The following CDH12 variants were observed in gnomAD, a reference collection of about 807,000 sequenced individuals.
CDH12 encodes the protein cadherin-12.
Under a neutral mutation model 74.1 loss-of-function variants are expected in CDH12, and 41 were observed. The ratio of observed to expected loss-of-function variants is 0.55; its 90% CI spans 0.43 to 0.72. CDH12 has a LOEUF of 0.72. CDH12 is among the 30% of genes least tolerant of loss of function. CDH12 has a pLI of 0.00. For missense variants in CDH12, 945 were observed against 977.2 expected, an observed-to-expected ratio of 0.97 and a Z score of 0.44; for synonymous variants, 399 against 355.0, an observed-to-expected ratio of 1.12 and a Z score of -1.39.
intron 1 of CDH12, among the ~76,000 whole-genome samples, chr5:22,749,658 C>T (rs1580957788): frequency 6.6e-6 from 1 of 152,240 alleles, no homozygotes; most frequent in South Asian, 2.1e-4. Context: ...CAAATATCTA[C>T]TACGTATGTC....
intron 5 of CDH12, among the ~76,000 whole-genome samples, chr5:22,068,301 C>T (rs1250460746): frequency 1.3e-5 from 2 of 152,184 alleles, no homozygotes; most frequent in Non-Finnish European, 2.9e-5. Flanking sequence ...CCTATGGCCT[C>T]ATCACGTGCT....
chr5:21,949,948 A>G (rs372967544), intron 6 of CDH12, among the ~76,000 whole-genome samples: 1 of 152,342 alleles, frequency 6.6e-6, no homozygotes, highest in Non-Finnish European at 1.5e-5. Flanking sequence ...GTTTTGTACA[A>G]TGATGCCCTA....
At chr5:22,411,946 C>A (rs187456087) in intron 2 of CDH12, among the ~76,000 whole-genome samples, 1,955 of 152,032 alleles carry the variant, frequency 0.013, 24 homozygotes, top group Middle Eastern at 0.02. Context: ...GTTTTCTTCT[C>A]TAAAGGCATT....
At chr5:22,068,318 C>T (rs1481022515) in intron 5 of CDH12, among the ~76,000 whole-genome samples, 1 of 152,198 alleles carries the variant, frequency 6.6e-6, no homozygotes, top group African/African-American at 2.4e-5. Flanking sequence ...TGCTCCCTAT[C>T]AGCTGAGAGA....
At chr5:21,794,303 A>C (rs1237747665) in intron 10 of CDH12, among the ~76,000 whole-genome samples, 1 of 151,494 alleles carries the variant, frequency 6.6e-6, no homozygotes, top group Non-Finnish European at 1.5e-5. Flanking sequence ...CATTTAGTAA[A>C]ATGATTTTTC....
chr5:22,353,308 A>G (rs985165241), intron 3 of CDH12, among the ~76,000 whole-genome samples: 1 of 152,198 alleles, frequency 6.6e-6, no homozygotes, highest in African/African-American at 2.4e-5. Context: ...ATTACAGAGA[A>G]TGACTGAACC....
At chr5:22,698,011 A>C (rs192910458) in intron 1 of CDH12, among the ~76,000 whole-genome samples, 1 of 151,710 alleles carries the variant, frequency 6.6e-6, no homozygotes, top group African/African-American at 2.4e-5. Context: ...AAAGTCACCT[A>C]TCCTGAGGTG....
Position 22,056,300 on chromosome 5 carries a change from A to C in CDH12, c.231+22146T>G, listed in dbSNP as rs193287375. On this transcript the variant is annotated intron_variant, in intron 5 of 14. Coordinates refer to ENST00000382254, the MANE Select transcript of CDH12 (RefSeq NM_004061.5). ...ACCTGAATTCCCTAATATATTGTTA[A>C]CTCTGAATAAATGTTTTCCATCTGT... is the stretch of plus-strand genomic sequence containing the variant. Among the ~76,000 whole-genome samples, 42 of 152,238 alleles carry C rather than the reference A, an allele frequency of 2.8e-4. 1 individual carries two copies. The East Asian group carries it at 3.3e-3, about 12-fold the overall frequency.
intron 1 of CDH12, among the ~76,000 whole-genome samples, chr5:22,549,305 C>T (rs13357223): frequency 6.6e-6 from 1 of 151,888 alleles, no homozygotes; most frequent in South Asian, 2.1e-4. Context: ...ACTTTTGTGC[C>T]ACTCAGCCCA....
At chr5:21,809,407 A>C (rs1747622238) in intron 9 of CDH12, among the ~76,000 whole-genome samples, 1 of 152,144 alleles carries the variant, frequency 6.6e-6, no homozygotes, top group South Asian at 2.1e-4. Context: ...TATATGTGTC[A>C]TGTCCACATA....
Position 22,264,788 on chromosome 5 carries a change from GTCT to G in CDH12, c.-332-52148_-332-52146del, listed in dbSNP as rs1280456139. Among the ~76,000 whole-genome samples the G allele has an allele frequency of 2.6e-5, 4 of 152,274 alleles. No homozygotes were observed. The South Asian group carries it at 6.2e-4, about 24-fold the overall frequency. ...TGTTTCCTTGATTTCAGAAAGAAAT[GTCT>G]TCTTCTCTAACTGTAACTTTCCTGG... On this transcript the variant is annotated intron_variant, in intron 3 of 14. Transcript: ENST00000382254.
At chr5:22,294,977 G>T (rs920916859) in intron 3 of CDH12, among the ~76,000 whole-genome samples, 7 of 152,144 alleles carry the variant, frequency 4.6e-5, no homozygotes, top group African/African-American at 1.7e-4. Flanking sequence ...GTTTCTGTGA[G>T]TGGGTAAGAG....
At chr5:22,225,015 T>C (rs1752146076) in intron 3 of CDH12, among the ~76,000 whole-genome samples, 1 of 151,966 alleles carries the variant, frequency 6.6e-6, no homozygotes, top group African/African-American at 2.4e-5. Context: ...GTAAAATTGA[T>C]TTATATTTAT....
Position 22,244,794 on chromosome 5 carries a change from AAGAAAG to A in CDH12, c.-332-32157_-332-32152del, listed in dbSNP as rs1182153110. On this transcript the variant is annotated intron_variant, in intron 3 of 14. Transcript: ENST00000382254. ...AAAGAAAGAAAGAAAGAAAGAAAGA[AAGAAAG>A]AAAAATTCAAAGTAGGAGTGGGGAG... Among the ~76,000 whole-genome samples the A allele has an allele frequency of 1.6e-3, 107 of 68,918 alleles. 1 individual carries two copies. Among genetic ancestry groups the A allele is most frequent in the Non-Finnish European group, 2.2e-3 (53 of 23,586 alleles). 45.2% of individuals were successfully genotyped at this position (68,918 alleles called of 152,430 possible). A position where few individuals can be genotyped will look rare whatever the true frequency, so the allele number is the denominator to read the frequency against.
intron 1 of CDH12, among the ~76,000 whole-genome samples, chr5:22,695,052 G>C (rs779513931): frequency 6.6e-6 from 1 of 151,776 alleles, no homozygotes; most frequent in African/African-American, 2.4e-5. Flanking sequence ...ATCTGTCCTC[G>C]TTGTTCAACT....
intron 1 of CDH12, among the ~76,000 whole-genome samples, chr5:22,655,529 C>A (rs1739987423): frequency 6.6e-6 from 1 of 152,176 alleles, no homozygotes; most frequent in Non-Finnish European, 1.5e-5. Context: ...AAGCAAGATC[C>A]ATTTTGCATT....
intron 3 of CDH12, among the ~76,000 whole-genome samples, chr5:22,272,984 G>A (rs1375093529): frequency 6.6e-6 from 1 of 152,158 alleles, no homozygotes; most frequent in Non-Finnish European, 1.5e-5. Context: ...CAAGGGAAAT[G>A]CCAGATGCTT....
At chr5:22,486,024 C>T (rs551344153) in intron 2 of CDH12, among the ~76,000 whole-genome samples, 10 of 152,290 alleles carry the variant, frequency 6.6e-5, no homozygotes, top group Non-Finnish European at 1.3e-4. Flanking sequence ...GCAGGACCAA[C>T]GCAGCTGGAA....
intron 1 of CDH12, among the ~76,000 whole-genome samples, chr5:22,838,010 A>T (rs975042378): frequency 7.9e-5 from 12 of 152,170 alleles, no homozygotes; most frequent in Non-Finnish European, 1.5e-4. Flanking sequence ...TTTCAGCACA[A>T]TTTGAAGGCA....
Sources: gnomAD v4.1 joint callset for allele counts (sites outside exome capture counted in the v4.1 genomes callset) on GRCh38, gnomAD v4.1.1 for gene constraint, MANE v1.5 for transcripts, NCBI Gene and HGNC (gene_info 2026-07-23, HGNC 2026-07-21) for gene names.